Variants in KSR2 observed in about 807,000 individuals in gnomAD.
KSR2 encodes kinase suppressor of ras 2.
A neutral mutation model predicts 107.8 loss-of-function variants in KSR2; 25 were observed. The ratio of observed to expected loss-of-function variants is 0.23; its 90% CI spans 0.17 to 0.32. The LOEUF (loss-of-function observed/expected upper bound fraction) is 0.32. Among genes scored for constraint, KSR2 ranks in the 10% least tolerant of loss-of-function variants. The pLI is 1.00. For synonymous variants in KSR2, 480 were observed against 507.0 expected (o/e 0.95, Z 0.71); for missense variants, 887 against 1,268.9 (o/e 0.70, Z 4.57).
chr12:117,654,357 C>T (rs1884037940), intron 5 of KSR2, among the ~76,000 whole-genome samples: 2 of 152,186 alleles, frequency 1.3e-5, no homozygotes, highest in Non-Finnish European at 2.9e-5. Context: ...GCCTTCTCTT[C>T]CCCAGCCTAC....
At chr12:117,677,388 G>C (rs1885178289) in intron 4 of KSR2, 1 of 152,152 alleles carries the variant, frequency 6.6e-6, no homozygotes, top group Non-Finnish European at 1.5e-5. Flanking sequence ...AACACACCAG[G>C]GATGTATAGA....
intron 4 of KSR2, among the ~76,000 whole-genome samples, chr12:117,728,200 T>G (rs1456053857): frequency 6.6e-6 from 1 of 152,180 alleles, no homozygotes; most frequent in Non-Finnish European, 1.5e-5. Context: ...TGTATATAAT[T>G]TATACCTCAG....
At chr12:117,574,402 T>C (rs899209905) in intron 7 of KSR2, among the ~76,000 whole-genome samples, 1 of 152,024 alleles carries the variant, frequency 6.6e-6, no homozygotes, top group Non-Finnish European at 1.5e-5. Context: ...TGAGACTGGG[T>C]AATTTATAAA....
chr12:117,586,629 A>AAGAAAG (rs1555219139), intron 5 of KSR2, among the ~76,000 whole-genome samples: 31 of 138,310 alleles, frequency 2.2e-4, no homozygotes, highest in Admixed American at 6.0e-4. Flanking sequence ...AAAAGAAAGA[A>AAGAAAG]AAAGAAAGAA....
At chr12:117,515,269 C>T (rs1203565908) in intron 14 of KSR2, among the ~76,000 whole-genome samples, 1 of 152,194 alleles carries the variant, frequency 6.6e-6, no homozygotes, top group Admixed American at 6.5e-5. Context: ...ATCACTGTTA[C>T]TTCTCCCACA....
At chr12:117,827,473 C>G (rs761632083) in intron 3 of KSR2, among the ~76,000 whole-genome samples, 6 of 152,182 alleles carry the variant, frequency 3.9e-5, no homozygotes, top group Admixed American at 6.5e-5. Flanking sequence ...TGACTTAACT[C>G]TAAGCTTCAG....
intron 4 of KSR2, among the ~76,000 whole-genome samples, chr12:117,720,608 G>A (rs1003879193): frequency 2.0e-5 from 3 of 152,226 alleles, no homozygotes; most frequent in Non-Finnish European, 4.4e-5. Context: ...TTGTGTGCCA[G>A]GCAATGATAA....
intron 13 of KSR2, among the ~76,000 whole-genome samples, chr12:117,526,159 G>A (rs892450354): frequency 2.6e-5 from 4 of 152,326 alleles, no homozygotes; most frequent in East Asian, 1.9e-4. Flanking sequence ...CAAAATATCC[G>A]CAGGCCAGGA....
At chr12:117,967,343 C>T (rs1359011632) in intron 1 of KSR2, among the ~76,000 whole-genome samples, 1 of 152,136 alleles carries the variant, frequency 6.6e-6, no homozygotes, top group Non-Finnish European at 1.5e-5. Context: ...CCTCACAGTC[C>T]CACTGAGATT....
intron 1 of KSR2, among the ~76,000 whole-genome samples, chr12:117,876,456 A>C (rs1893854716): frequency 6.6e-6 from 1 of 152,194 alleles, no homozygotes; most frequent in South Asian, 2.1e-4. Flanking sequence ...CTCTGCAGGA[A>C]GGAAGAGCCC....
At chr12:117,947,178 G>GA (rs201006468) in intron 1 of KSR2, among the ~76,000 whole-genome samples, 1,154 of 97,790 alleles carry the variant, frequency 0.012, 26 homozygotes, top group Middle Eastern at 0.024. Context: ...AAGAAAGAAA[G>GA]AAAGAAAGAA....
chr12:117,809,548 G>A (rs1403722808), intron 3 of KSR2, among the ~76,000 whole-genome samples: 1 of 152,122 alleles, frequency 6.6e-6, no homozygotes, highest in African/African-American at 2.4e-5. Context: ...TATTTTCCTG[G>A]CCACTTAAAC....
At chr12:117,588,122 TG>T (rs1322153767) in intron 5 of KSR2, among the ~76,000 whole-genome samples, 7 of 152,156 alleles carry the variant, frequency 4.6e-5, no homozygotes, top group Non-Finnish European at 1.0e-4. Context: ...TCCATGTCCC[TG>T]GGAAAAGCAA....
At chr12:117,676,308 T>C (rs1358986375) in intron 4 of KSR2, among the ~76,000 whole-genome samples, 2 of 152,326 alleles carry the variant, frequency 1.3e-5, no homozygotes, top group East Asian at 1.9e-4. Context: ...GCCTGTGAAA[T>C]AGCACAAGCT....
At chr12:117,822,125 A>G (rs1891583417) in intron 3 of KSR2, among the ~76,000 whole-genome samples, 1 of 152,180 alleles carries the variant, frequency 6.6e-6, no homozygotes, top group South Asian at 2.1e-4. Context: ...CAACATCAGA[A>G]AGTTACCCTA....
chr12:117,622,673 CA>C (rs1403145513), intron 5 of KSR2, among the ~76,000 whole-genome samples: 5 of 152,110 alleles, frequency 3.3e-5, no homozygotes, highest in Non-Finnish European at 4.4e-5. Context: ...CTTCCAGATC[CA>C]CTCTGTGCCA....
intron 3 of KSR2, among the ~76,000 whole-genome samples, chr12:117,767,345 G>A (rs945002723): frequency 2.6e-5 from 4 of 151,576 alleles, no homozygotes; most frequent in Non-Finnish European, 4.4e-5. Context: ...GCTGAGGCAG[G>A]AGAATGGCGT....
chr12:117,867,898 A>G (rs1893528456), intron 1 of KSR2, among the ~76,000 whole-genome samples: 2 of 152,338 alleles, frequency 1.3e-5, no homozygotes, highest in South Asian at 4.1e-4. Flanking sequence ...TCAACGCATG[A>G]AAATCTGAAT....
chr12:117,814,730 A>AC (rs755688004), intron 3 of KSR2, among the ~76,000 whole-genome samples: 53 of 152,226 alleles, frequency 3.5e-4, no homozygotes, highest in Non-Finnish European at 6.8e-4. Context: ...CCTTGTGCTA[A>AC]CCACAGCAGG....
Sources: gnomAD v4.1 joint callset for allele counts (sites outside exome capture counted in the v4.1 genomes callset) on GRCh38, gnomAD v4.1.1 for gene constraint, MANE v1.5 for transcripts, NCBI Gene and HGNC (gene_info 2026-07-23, HGNC 2026-07-21) for gene names.